Variants in TCERG1L observed in about 807,000 individuals in gnomAD.
TCERG1L encodes the protein transcription elongation regulator 1-like protein.
Under a neutral mutation model 56.3 loss-of-function variants are expected in TCERG1L, and 37 were observed. That is an observed-to-expected ratio of 0.66 (90% CI 0.51 to 0.87). The LOEUF (loss-of-function observed/expected upper bound fraction) is 0.87. TCERG1L is among the 40% of genes least tolerant of loss of function. The pLI is 0.00. For missense variants in TCERG1L, 799 were observed against 774.2 expected, an observed-to-expected ratio of 1.03 and a Z score of -0.38; for synonymous variants, 324 against 326.3, an observed-to-expected ratio of 0.99 and a Z score of 0.08.
intron 3 of TCERG1L, among the ~76,000 whole-genome samples, chr10:131,274,710 C>T (rs970001253): frequency 6.6e-6 from 1 of 152,242 alleles, no homozygotes; most frequent in African/African-American, 2.4e-5. Context: ...TCCTCCCAGG[C>T]CCCAGGAGGG....
intron 3 of TCERG1L, among the ~76,000 whole-genome samples, chr10:131,295,699 C>T (rs1044867354): frequency 6.6e-6 from 1 of 152,180 alleles, no homozygotes; most frequent in Non-Finnish European, 1.5e-5. Context: ...TCCATCATCT[C>T]GAACATTTAC....
At chr10:131,115,015 CT>C (rs1845442455) in intron 9 of TCERG1L, among the ~76,000 whole-genome samples, 1 of 152,242 alleles carries the variant, frequency 6.6e-6, no homozygotes, top group African/African-American at 2.4e-5. Context: ...GCACGTGCAC[CT>C]GTGGGTCACA....
At chr10:131,197,602 G>C (rs1311881708) in intron 4 of TCERG1L, among the ~76,000 whole-genome samples, 1 of 152,072 alleles carries the variant, frequency 6.6e-6, no homozygotes, top group African/African-American at 2.4e-5. Context: ...TCATCCCTGG[G>C]GAATTTTTCA....
At chr10:131,220,508 A>G (rs1046918287) in intron 4 of TCERG1L, among the ~76,000 whole-genome samples, 6 of 151,914 alleles carry the variant, frequency 3.9e-5, no homozygotes, top group Non-Finnish European at 8.8e-5. Context: ...GGGCTACTCA[A>G]CTCTGGCTAC....
chr10:131,108,981 A>T (rs1223171130), intron 9 of TCERG1L, among the ~76,000 whole-genome samples: 1 of 152,054 alleles, frequency 6.6e-6, no homozygotes, highest in Non-Finnish European at 1.5e-5. Context: ...GCAGAGTCTT[A>T]GACAACACAG....
intron 9 of TCERG1L, 140 bp from the exon 10 acceptor site, chr10:131,104,494 A>G (rs996888863): frequency 1.3e-5 from 8 of 602,958 alleles, no homozygotes; most frequent in Non-Finnish European, 2.4e-5. Context: ...GTGGTGCAGT[A>G]TAAGTGTTAG....
chr10:131,212,257 C>T (rs1438328175), intron 4 of TCERG1L, among the ~76,000 whole-genome samples: 3 of 152,208 alleles, frequency 2.0e-5, no homozygotes. Context: ...CCTTCAGGCC[C>T]ATGCAGAGTT....
intron 4 of TCERG1L, among the ~76,000 whole-genome samples, chr10:131,202,819 T>C (rs1302633829): frequency 6.6e-6 from 1 of 152,208 alleles, no homozygotes; most frequent in Non-Finnish European, 1.5e-5. Flanking sequence ...TCTATAAGCT[T>C]CTAAATTGTT....
intron 9 of TCERG1L, 103 bp downstream of exon 9, chr10:131,116,696 C>T: frequency 6.9e-7 from 1 of 1,447,444 alleles, no homozygotes; most frequent in Non-Finnish European, 9.4e-7. Flanking sequence ...TCAGCCTGAT[C>T]ATGAACTCAG....
At chr10:131,169,913 T>C (rs1483893140) in intron 4 of TCERG1L, among the ~76,000 whole-genome samples, 1 of 148,530 alleles carries the variant, frequency 6.7e-6, no homozygotes, top group Non-Finnish European at 1.5e-5. Context: ...TATTAAGATA[T>C]TTTTCATATT....
chr10:131,188,302 A>T (rs943768776), intron 4 of TCERG1L, among the ~76,000 whole-genome samples: 1 of 152,212 alleles, frequency 6.6e-6, no homozygotes, highest in Non-Finnish European at 1.5e-5. Flanking sequence ...GAACACAGTA[A>T]AAACGGGCAC....
At chr10:131,273,961 G>A (rs1488140319) in intron 3 of TCERG1L, among the ~76,000 whole-genome samples, 1 of 152,156 alleles carries the variant, frequency 6.6e-6, no homozygotes, top group Non-Finnish European at 1.5e-5. Flanking sequence ...AATTTGTCAG[G>A]GAACATGTCA....
intron 4 of TCERG1L, among the ~76,000 whole-genome samples, chr10:131,177,229 C>A (rs11017792): frequency 3.7e-5 from 5 of 135,194 alleles, no homozygotes; most frequent in Non-Finnish European, 7.9e-5. Context: ...TATATGAAGA[C>A]ACACACATGT....
intron 4 of TCERG1L, among the ~76,000 whole-genome samples, chr10:131,196,685 G>A (rs965434152): frequency 6.6e-6 from 1 of 152,198 alleles, no homozygotes; most frequent in African/African-American, 2.4e-5. Flanking sequence ...CAGAGTCTCC[G>A]CTTTCTTGCT....
At chr10:131,104,454 C>A in intron 9 of TCERG1L, 100 bp from the exon 10 acceptor site, 2 of 778,160 alleles carry the variant, frequency 2.6e-6, no homozygotes, top group African/African-American at 1.7e-5. Context: ...ACAACAAAAA[C>A]CAGCATTAAA....
At chr10:131,153,747 T>C (rs1279509815) in intron 6 of TCERG1L, among the ~76,000 whole-genome samples, 4 of 152,148 alleles carry the variant, frequency 2.6e-5, no homozygotes, top group Non-Finnish European at 5.9e-5. Flanking sequence ...TGCCCCAAAG[T>C]GTGGGGAAAC....
intron 4 of TCERG1L, among the ~76,000 whole-genome samples, chr10:131,194,914 A>T (rs1589743582): frequency 6.6e-6 from 1 of 152,334 alleles, no homozygotes; most frequent in African/African-American, 2.4e-5. Context: ...CTATTTTAAG[A>T]TCAAGGAGCA....
At chr10:131,159,216 T>C (rs1387760537) in intron 6 of TCERG1L, among the ~76,000 whole-genome samples, 1 of 152,322 alleles carries the variant, frequency 6.6e-6, no homozygotes, top group East Asian at 1.9e-4. Context: ...CACTGTGCCC[T>C]GACAGCCATG....
chr10:131,104,378 T>C (rs1327884874), intron 9 of TCERG1L, 24 bp from the exon 10 acceptor site: 71 of 1,488,040 alleles, frequency 4.8e-5, no homozygotes, highest in Non-Finnish European at 6.3e-5. Flanking sequence ...TTCAATAGAG[T>C]TGCTGTTAGC....
Sources: gnomAD v4.1 joint callset for allele counts (sites outside exome capture counted in the v4.1 genomes callset) on GRCh38, gnomAD v4.1.1 for gene constraint, MANE v1.5 for transcripts, NCBI Gene and HGNC (gene_info 2026-07-23, HGNC 2026-07-21) for gene names.